Variants in TMCC1 observed in about 807,000 individuals in gnomAD.
TMCC1 encodes the protein transmembrane and coiled-coil domains protein 1.
In TMCC1, 15 loss-of-function variants were observed where a neutral mutation model predicts 52.4. The observed-to-expected ratio is 0.29, with a 90% CI of 0.19 to 0.44. The LOEUF is 0.44. TMCC1 is among the 20% of genes least tolerant of loss of function. The probability of loss-of-function intolerance (pLI) is 1.00; values close to 1 mark genes in which losing one functional copy is unlikely to be tolerated. For synonymous variants in TMCC1, 279 were observed against 301.9 expected (o/e 0.92, Z 0.79); for missense variants, 503 against 806.0 (o/e 0.62, Z 4.55).
At chr3:129,778,429 A>G (rs1008498532) in intron 4 of TMCC1, among the ~76,000 whole-genome samples, 1 of 152,242 alleles carries the variant, frequency 6.6e-6, no homozygotes, top group Non-Finnish European at 1.5e-5. Flanking sequence ...CACTGATGAA[A>G]TAAGGGTAAT....
chr3:129,679,366 C>T (rs1036876510), intron 4 of TMCC1, among the ~76,000 whole-genome samples: 12 of 152,220 alleles, frequency 7.9e-5, no homozygotes, highest in Admixed American at 5.9e-4. Context: ...AGTGCAGTGG[C>T]ACAATCTCGG....
intron 1 of TMCC1, among the ~76,000 whole-genome samples, chr3:129,885,064 G>A (rs1287364828): frequency 3.3e-5 from 5 of 151,082 alleles, no homozygotes; most frequent in South Asian, 2.1e-4. Flanking sequence ...GCTTGAACCC[G>A]GGAGGTCCAG....
chr3:129,878,186 A>G (rs1282612040), intron 2 of TMCC1, among the ~76,000 whole-genome samples: 1 of 132,552 alleles, frequency 7.5e-6, no homozygotes, highest in African/African-American at 2.9e-5. Flanking sequence ...CTGGTCTTGA[A>G]CTCCTGACCT....
At chr3:129,706,316 C>T (rs1293332970) in intron 4 of TMCC1, among the ~76,000 whole-genome samples, 3 of 151,970 alleles carry the variant, frequency 2.0e-5, no homozygotes, top group African/African-American at 4.8e-5. Flanking sequence ...AGTGATTCGC[C>T]TGCCTCAGCC....
At chr3:129,833,483 T>G (rs923357998) in intron 2 of TMCC1, among the ~76,000 whole-genome samples, 1 of 152,184 alleles carries the variant, frequency 6.6e-6, no homozygotes, top group Non-Finnish European at 1.5e-5. Flanking sequence ...GGCAAGAGGA[T>G]GTCTTGAGCC....
At chr3:129,667,681 C>T (rs2087577956) in intron 5 of TMCC1, among the ~76,000 whole-genome samples, 1 of 152,132 alleles carries the variant, frequency 6.6e-6, no homozygotes, top group African/African-American at 2.4e-5. Flanking sequence ...ATGGCTTGAA[C>T]TTAATTCTTC....
intron 4 of TMCC1, among the ~76,000 whole-genome samples, chr3:129,711,027 C>T (rs993366353): frequency 6.6e-6 from 1 of 152,134 alleles, no homozygotes; most frequent in Non-Finnish European, 1.5e-5. Flanking sequence ...CCATGCCCGG[C>T]TAATTTTTGT....
chr3:129,802,130 A>G (rs910259547), intron 4 of TMCC1, among the ~76,000 whole-genome samples: 1 of 152,174 alleles, frequency 6.6e-6, no homozygotes, highest in Non-Finnish European at 1.5e-5. Flanking sequence ...CTTGGGATTA[A>G]TATGTAACTA....
intron 2 of TMCC1, among the ~76,000 whole-genome samples, chr3:129,869,874 A>C (rs1027746083): frequency 2.6e-5 from 4 of 152,236 alleles, no homozygotes; most frequent in African/African-American, 7.2e-5. Flanking sequence ...TGCAGTGTAC[A>C]AAACTCTGAG....
intron 4 of TMCC1, among the ~76,000 whole-genome samples, chr3:129,743,457 A>G (rs1424084378): frequency 6.6e-6 from 1 of 152,220 alleles, no homozygotes; most frequent in Admixed American, 6.5e-5. Context: ...GGTATCGCCT[A>G]TGGTAAATCT....
intron 4 of TMCC1, among the ~76,000 whole-genome samples, chr3:129,784,378 A>T (rs1439531276): frequency 1.3e-5 from 2 of 152,050 alleles, no homozygotes; most frequent in Middle Eastern, 3.4e-3. Context: ...GGAAATCGAG[A>T]CCACAGTGAA....
chr3:129,834,816 G>C (rs1303890837), intron 2 of TMCC1, among the ~76,000 whole-genome samples: 1 of 152,282 alleles, frequency 6.6e-6, no homozygotes, highest in East Asian at 1.9e-4. Flanking sequence ...CTGATAAAAT[G>C]AGTATTTATA....
intron 2 of TMCC1, among the ~76,000 whole-genome samples, chr3:129,873,854 T>A (rs116647205): frequency 6.6e-6 from 1 of 152,142 alleles, no homozygotes; most frequent in Non-Finnish European, 1.5e-5. Flanking sequence ...GCATCCCAAA[T>A]CCAAGCAGCA....
At chr3:129,863,857 T>C (rs1488652144) in intron 2 of TMCC1, among the ~76,000 whole-genome samples, 1 of 151,736 alleles carries the variant, frequency 6.6e-6, no homozygotes, top group Admixed American at 6.6e-5. Context: ...GCGAGACTCT[T>C]ATCTCAAGAA....
intron 2 of TMCC1, among the ~76,000 whole-genome samples, chr3:129,859,675 CACACACACACAT>C (rs1216492946): frequency 2.1e-4 from 31 of 150,488 alleles, no homozygotes; most frequent in Admixed American, 9.3e-4. Context: ...CACACACACA[CACACACACACAT>C]ACACACGTAT....
intron 4 of TMCC1, among the ~76,000 whole-genome samples, chr3:129,742,767 A>G (rs2051574802): frequency 6.6e-6 from 1 of 152,234 alleles, no homozygotes; most frequent in Non-Finnish European, 1.5e-5. Flanking sequence ...ATAAATGTCC[A>G]TCAACTGATA....
chr3:129,759,472 T>C (rs1469364047), intron 4 of TMCC1, among the ~76,000 whole-genome samples: 1 of 151,938 alleles, frequency 6.6e-6, no homozygotes, highest in African/African-American at 2.4e-5. Flanking sequence ...TTCACCATGT[T>C]AGCCAGGCTG....
At chr3:129,760,699 G>A (rs2053496886) in intron 4 of TMCC1, among the ~76,000 whole-genome samples, 1 of 151,714 alleles carries the variant, frequency 6.6e-6, no homozygotes. Flanking sequence ...GGATGGTCTC[G>A]ATCTCCTGAC....
chr3:129,694,978 T>C (rs1296048267), intron 4 of TMCC1, among the ~76,000 whole-genome samples: 2 of 151,242 alleles, frequency 1.3e-5, no homozygotes, highest in Non-Finnish European at 2.9e-5. Flanking sequence ...AGAATAACAT[T>C]TGGAGATATT....
Sources: gnomAD v4.1 joint callset for allele counts (sites outside exome capture counted in the v4.1 genomes callset) on GRCh38, gnomAD v4.1.1 for gene constraint, MANE v1.5 for transcripts, NCBI Gene and HGNC (gene_info 2026-07-23, HGNC 2026-07-21) for gene names.